Variants in FBXL13 observed in about 807,000 individuals in gnomAD.
FBXL13 encodes the protein F-box and leucine rich repeat protein 13, also known as F-box and leucine-rich repeat protein 13.
Under a neutral mutation model 83.6 loss-of-function variants are expected in FBXL13, and 67 were observed. The ratio of observed to expected loss-of-function variants is 0.80; its 90% confidence interval spans 0.66 to 0.98. The LOEUF (loss-of-function observed/expected upper bound fraction) is 0.98, where lower values mean the gene tolerates loss of function less well. FBXL13 is among the 50% of genes least tolerant of loss of function. The pLI is 0.00. For synonymous variants in FBXL13, 272 were observed against 299.5 expected (o/e 0.91, Z 0.95); for missense variants, 822 against 866.5 (o/e 0.95, Z 0.64).
At chr7:102,973,364 G>A (rs1826980624) in intron 6 of FBXL13, 1 of 666,540 alleles carries the variant, frequency 1.5e-6, no homozygotes. Context: ...ACCTACCCTG[G>A]CCGGAAGACA....
intron 10 of FBXL13, among the ~76,000 whole-genome samples, chr7:102,916,521 AG>A (rs1198490722): frequency 6.6e-6 from 1 of 152,198 alleles, no homozygotes; most frequent in Admixed American, 6.5e-5. Context: ...GTGGCCCTGT[AG>A]GCCTTTCTAG....
chr7:102,967,852 T>C (rs1243701412), intron 7 of FBXL13, among the ~76,000 whole-genome samples, 170 bp downstream of exon 8: 1 of 152,266 alleles, frequency 6.6e-6, no homozygotes, highest in African/African-American at 2.4e-5. Context: ...CATTATTATC[T>C]TTTTTATCTC....
At chr7:102,833,596 C>A (rs201704472) in intron 17 of FBXL13, among the ~76,000 whole-genome samples, 1 of 138,196 alleles carries the variant, frequency 7.2e-6, no homozygotes, top group African/African-American at 2.6e-5. Context: ...CCGGCTAATT[C>A]TTTTTTTTTT....
At chr7:102,945,819 C>T (rs1400032767) in intron 8 of FBXL13, among the ~76,000 whole-genome samples, 2 of 152,052 alleles carry the variant, frequency 1.3e-5, no homozygotes, top group Non-Finnish European at 2.9e-5. Flanking sequence ...AGCAAATAAC[C>T]ACCTTATCTG....
chr7:103,051,828 T>C (rs1796846913), intron 2 of FBXL13, among the ~76,000 whole-genome samples: 1 of 152,226 alleles, frequency 6.6e-6, no homozygotes, highest in African/African-American at 2.4e-5. Context: ...TTTTCCTTGG[T>C]TGAACACAGT....
chr7:102,969,960 A>C (rs1404446866), intron 6 of FBXL13, among the ~76,000 whole-genome samples: 2 of 152,160 alleles, frequency 1.3e-5, no homozygotes, highest in East Asian at 3.9e-4. Flanking sequence ...TGGTATCAAA[A>C]AGATCTCTCG....
intron 17 of FBXL13, among the ~76,000 whole-genome samples, chr7:102,836,009 A>G (rs1801912530): frequency 6.6e-6 from 1 of 152,166 alleles, no homozygotes; most frequent in Non-Finnish European, 1.5e-5. Context: ...GAATATTTAA[A>G]CTATAAGAAT....
At chr7:102,999,241 G>A (rs1790140383) in intron 6 of FBXL13, among the ~76,000 whole-genome samples, 1 of 152,040 alleles carries the variant, frequency 6.6e-6, no homozygotes, top group South Asian at 2.1e-4. Context: ...TGTGTATGTT[G>A]AACCATCTTT....
chr7:102,885,490 G>C lies in FBXL13; in HGVS notation c.1009-1178C>G, dbSNP rs578161708. Among the ~76,000 whole-genome samples the C allele has an allele frequency of 6.6e-5, 10 of 150,534 alleles. 1 individual carries two copies. Among genetic ancestry groups the C allele is most frequent in the African/African-American group, 1.7e-4 (7 of 40,818 alleles). On this transcript the variant is annotated intron_variant, in intron 11 of 19. Transcript: ENST00000313221. ...TTGTTTGTCTTTTTGTTGTTGAATT[G>C]TAAGAATTCTTCATATATTCTGGAT...
intron 14 of FBXL13, among the ~76,000 whole-genome samples, 178 bp downstream of exon 15, chr7:102,883,127 C>G (rs1810334004): frequency 6.6e-6 from 1 of 151,630 alleles, no homozygotes; most frequent in South Asian, 2.1e-4. Context: ...CCCATATAAT[C>G]AACCTGGGTT....
At chr7:102,823,779 T>C (rs984866984) in intron 18 of FBXL13, among the ~76,000 whole-genome samples, 1 of 152,250 alleles carries the variant, frequency 6.6e-6, no homozygotes. Context: ...TCACTTCAGT[T>C]TGGAACATAC....
chr7:102,954,646 CCATCT>C (rs1823962282), intron 8 of FBXL13, among the ~76,000 whole-genome samples: 1 of 152,072 alleles, frequency 6.6e-6, no homozygotes, highest in Non-Finnish European at 1.5e-5. Context: ...TTCAGGAGAC[CCATCT>C]CATGTGCAAA....
intron 1 of FBXL13, 146 bp from the exon 2 acceptor site, chr7:103,055,893 G>A: frequency 2.5e-6 from 1 of 403,830 alleles, no homozygotes. Flanking sequence ...AACAGGTGGT[G>A]TTTGGTTACA....
intron 11 of FBXL13, among the ~76,000 whole-genome samples, chr7:102,893,275 C>T (rs1287134849): frequency 6.6e-6 from 1 of 152,204 alleles, no homozygotes; most frequent in East Asian, 1.9e-4. Flanking sequence ...TTTCTCCAAT[C>T]TTGCTCCTTT....
intron 8 of FBXL13, among the ~76,000 whole-genome samples, chr7:102,943,949 A>G (rs1014370822): frequency 6.6e-6 from 1 of 152,218 alleles, no homozygotes; most frequent in Non-Finnish European, 1.5e-5. Context: ...GTCCTTGGAA[A>G]ATACATTCTT....
At chr7:102,918,649 C>CTT (rs1816377313) in intron 10 of FBXL13, among the ~76,000 whole-genome samples, 1 of 152,106 alleles carries the variant, frequency 6.6e-6, no homozygotes, top group South Asian at 2.1e-4. Context: ...GATCTTGTCT[C>CTT]TACAAAAGAT....
At chr7:102,929,660 T>C (rs1818803790) in intron 9 of FBXL13, among the ~76,000 whole-genome samples, 1 of 65,294 alleles carries the variant, frequency 1.5e-5, no homozygotes, top group Admixed American at 2.1e-4. Flanking sequence ...TGAGACTCCA[T>C]CTCAAAAAAA....
Position 102,964,778 on chromosome 7 carries a change from T to A in FBXL13, c.592-1113A>T, listed in dbSNP as rs1239932642. On this transcript the variant is annotated intron_variant, in intron 7 of 19. Coordinates refer to ENST00000313221, the Ensembl canonical transcript of FBXL13. ...CTAAGAATTTATTCTGCCGATGTAA[T>A]CATACATGTATACAATGCAACACTG... Among the ~76,000 whole-genome samples, 3 of 152,180 alleles carry A rather than the reference T, an allele frequency of 2.0e-5. 1 individual carries two copies. Among genetic ancestry groups the A allele is most frequent in the Admixed American group, 2.0e-4 (3 of 15,282 alleles).
At chr7:102,992,626 A>T (rs1038158516) in intron 6 of FBXL13, among the ~76,000 whole-genome samples, 1 of 152,094 alleles carries the variant, frequency 6.6e-6, no homozygotes, top group Non-Finnish European at 1.5e-5. Context: ...TGGGAGGGGG[A>T]TGGGGTCTCA....
Sources: gnomAD v4.1 joint callset for allele counts (sites outside exome capture counted in the v4.1 genomes callset) on GRCh38, gnomAD v4.1.1 for gene constraint, MANE v1.5 for transcripts, NCBI Gene and HGNC (gene_info 2026-07-23, HGNC 2026-07-21) for gene names.